Variants in FBXO21 observed in about 807,000 individuals in gnomAD.
The protein encoded by FBXO21 is F-box protein 21.
A neutral mutation model predicts 76.6 loss-of-function variants in FBXO21; 32 were observed. The ratio of observed to expected loss-of-function variants is 0.42; its 90% CI spans 0.32 to 0.56. The LOEUF (loss-of-function observed/expected upper bound fraction) is 0.56. FBXO21 is among the 20% of genes least tolerant of loss of function. The pLI is 0.16. For synonymous variants in FBXO21, 328 were observed against 311.5 expected, an observed-to-expected ratio of 1.05 and a Z score of -0.56; for missense variants, 586 against 797.3, an observed-to-expected ratio of 0.73 and a Z score of 3.19.
In FBXO21 at chr12:117,159,017, C is replaced by T. The variant is rs77962678; in HGVS notation, c.1327-954G>A. ...ACCTGGACTCTAGGCCCAGATCGGT[C>T]AGACTAGCTGGCGTTTTTACCTCTG... On this transcript the variant is annotated intron_variant, in intron 9 of 11. Coordinates refer to ENST00000622495, the MANE Select transcript of FBXO21 (RefSeq NM_015002.3). Among the ~76,000 whole-genome samples, 286 of 152,342 alleles carry T rather than the reference C, an allele frequency of 1.9e-3. 5 individuals carry two copies. Among genetic ancestry groups the T allele is most frequent in the East Asian group, 0.016 (81 of 5,188 alleles).
chr12:117,173,065 C>A (rs1052997594), intron 6 of FBXO21, among the ~76,000 whole-genome samples: 2 of 151,576 alleles, frequency 1.3e-5, no homozygotes, highest in Non-Finnish European at 2.9e-5. Context: ...GATGGAGTCC[C>A]GCTCTGTTGC....
rs369864131 is a variant in FBXO21, at chr12:117,142,623, TC to T, written c.*3463del. ...TATTCACGTCTCCAAAAAGCAATTG[TC>T]CCACATCCAAATTTTGCATTTTGTC... On this transcript the variant is annotated 3_prime_UTR_variant, in exon 12 of 12. Coordinates refer to ENST00000622495, the MANE Select transcript of FBXO21 (RefSeq NM_015002.3). 1.0e-4 allele frequency: 14 copies of T among 137,674 alleles called. No individual in the cohort carries two copies. The highest frequency in any genetic ancestry group is 4.0e-4 in the African/African-American group (14 of 34,948). 8.5% of individuals were successfully genotyped at this position (137,674 alleles called of 1,614,324 possible).
chr12:117,181,647 A>ATCTT (rs1956235218), intron 3 of FBXO21, among the ~76,000 whole-genome samples: 1 of 147,654 alleles, frequency 6.8e-6, no homozygotes, highest in Non-Finnish European at 1.5e-5. Context: ...CTATCTATCT[A>ATCTT]ATCTAGCTAT....
At chr12:117,149,639 C>T (rs1955816767) in intron 11 of FBXO21, among the ~76,000 whole-genome samples, 1 of 152,196 alleles carries the variant, frequency 6.6e-6, no homozygotes, top group Non-Finnish European at 1.5e-5. Context: ...ACGCACAGGA[C>T]GGCCCCCCAC....
rs1194628830 is a variant in FBXO21, at chr12:117,145,161, C to T, written c.*926G>A. On this transcript the variant is annotated 3_prime_UTR_variant, in exon 12 of 12. Transcript: ENST00000622495. ...GGTCTTTGAAGACCATGGAGTATGA[C>T]TTCTAAGAGCAAACATTAACATCAG... The T allele has an allele frequency of 6.8e-6, 1 of 146,576 alleles. No homozygotes were observed. Among genetic ancestry groups the T allele is most frequent in the Non-Finnish European group, 1.5e-5 (1 of 67,420 alleles). 9.1% of individuals were successfully genotyped at this position (146,576 alleles called of 1,614,324 possible).
In FBXO21 at chr12:117,166,955, A is replaced by C. The variant is rs775438416; in HGVS notation, c.1136T>G (p.Val379Gly). ...QHVTAALYGV[V>G]NVKKVLQRMV... ...TCTCTGTAACACCTTCTTGACATTGACCACCCCATACAGTGCTGCAGTCAC... is the reference window on the plus strand; with the variant it reads ...TCTCTGTAACACCTTCTTGACATTGCCCACCCCATACAGTGCTGCAGTCAC... Residue 379 changes from valine (V) to glycine (G), a missense_variant, in exon 8 of 12, where the codon GTC becomes GGC. Val to Gly is a moderately radical substitution (Grantham distance 109). Coordinates refer to ENST00000622495, the MANE Select transcript of FBXO21 (RefSeq NM_015002.3). The C allele has an allele frequency of 6.2e-7, 1 of 1,614,160 alleles. No individual in the cohort carries two copies. The highest frequency in any genetic ancestry group is 1.1e-5 in the South Asian group (1 of 91,078).
At chr12:117,162,598 A>G (rs1955994444) in intron 9 of FBXO21, among the ~76,000 whole-genome samples, 1 of 152,186 alleles carries the variant, frequency 6.6e-6, no homozygotes, top group African/African-American at 2.4e-5. Context: ...CATTACTGTG[A>G]CAGTGACCAA....
intron 8 of FBXO21, 62 bp downstream of exon 8, chr12:117,166,830 TCAAACA>T (rs1956058613): frequency 1.8e-5 from 25 of 1,423,184 alleles, no homozygotes; most frequent in Non-Finnish European, 2.5e-5. Flanking sequence ...TTGGCACATC[TCAAACA>T]CAATTCAAGC....
intron 3 of FBXO21, among the ~76,000 whole-genome samples, chr12:117,178,321 C>T (rs1429914299): frequency 6.6e-6 from 1 of 152,134 alleles, no homozygotes; most frequent in Non-Finnish European, 1.5e-5. Flanking sequence ...GTGCACACTT[C>T]CCAATTACTC....
Position 117,152,114 on chromosome 12 carries a change from A to C in FBXO21, c.1675+3677T>G, listed in dbSNP as rs550311445. ...TAATCAGGACTCAGACTTCACTCCCAGCTGGCAGACATCATACAGTTAAGG... is the reference window on the plus strand; with the variant it reads ...TAATCAGGACTCAGACTTCACTCCCCGCTGGCAGACATCATACAGTTAAGG... On this transcript the variant is annotated intron_variant, in intron 11 of 11. Coordinates refer to ENST00000622495, the MANE Select transcript of FBXO21 (RefSeq NM_015002.3). Among the ~76,000 whole-genome samples, 70 of 151,982 alleles carry C rather than the reference A, an allele frequency of 4.6e-4. 1 individual carries two copies. The highest frequency in any genetic ancestry group is 3.4e-3 in the Middle Eastern group (1 of 294).
intron 4 of FBXO21, among the ~76,000 whole-genome samples, chr12:117,177,016 A>C (rs1484837094): frequency 6.6e-6 from 1 of 152,214 alleles, no homozygotes; most frequent in Non-Finnish European, 1.5e-5. Context: ...CTTAATAAGA[A>C]CAAAAAGATT....
intron 9 of FBXO21, among the ~76,000 whole-genome samples, chr12:117,163,870 G>A (rs1956015769): frequency 6.6e-6 from 1 of 152,088 alleles, no homozygotes. Context: ...CTTGAACCTG[G>A]AAGGGAGAGG....
chr12:117,182,038 AC>A (rs1237272219), intron 3 of FBXO21, among the ~76,000 whole-genome samples: 4 of 152,088 alleles, frequency 2.6e-5, no homozygotes, highest in South Asian at 4.1e-4. Flanking sequence ...ATAAACACAA[AC>A]TGATTTCAAG....
intron 10 of FBXO21, 97 bp downstream of exon 10, chr12:117,157,776 C>A (rs1365530870): frequency 1.6e-5 from 17 of 1,055,190 alleles, no homozygotes; most frequent in Non-Finnish European, 2.3e-5. Flanking sequence ...CCAGTCAGCT[C>A]CTCCTCCACT....
At chr12:117,160,672 G>A (rs1235099408) in intron 9 of FBXO21, among the ~76,000 whole-genome samples, 6 of 152,136 alleles carry the variant, frequency 3.9e-5, no homozygotes, top group African/African-American at 1.4e-4. Flanking sequence ...CACCCAGGCT[G>A]GAGTGCAGTG....
intron 3 of FBXO21, among the ~76,000 whole-genome samples, chr12:117,180,372 A>G (rs1164839828): frequency 6.6e-6 from 1 of 152,224 alleles, no homozygotes; most frequent in Non-Finnish European, 1.5e-5. Flanking sequence ...ATGCACATGC[A>G]CTTACATATA....
chr12:117,147,951 G>C (rs573107039), intron 11 of FBXO21, among the ~76,000 whole-genome samples: 5 of 152,354 alleles, frequency 3.3e-5, no homozygotes, highest in African/African-American at 1.2e-4. Context: ...ATTAATACCA[G>C]TAAGGCCAAC....
chr12:117,189,187 C>G (rs1305804522), intron 2 of FBXO21, 40 bp downstream of exon 2: 1 of 1,613,686 alleles, frequency 6.2e-7, no homozygotes, highest in African/African-American at 1.3e-5. Context: ...ACACATACAC[C>G]AGCAAGCCAA....
intron 11 of FBXO21, among the ~76,000 whole-genome samples, chr12:117,153,690 A>G (rs1433728105): frequency 6.6e-6 from 1 of 152,226 alleles, no homozygotes; most frequent in Admixed American, 6.5e-5. Flanking sequence ...TCCCTCAGGA[A>G]GCGCTTGCTG....
Sources: allele counts gnomAD v4.1 joint callset (sites outside exome capture counted in the v4.1 genomes callset), GRCh38; gene constraint gnomAD v4.1.1; transcripts MANE v1.5; gene names NCBI Gene and HGNC (gene_info 2026-07-23, HGNC 2026-07-21).